The following NCAM1 variants were observed in gnomAD, a reference collection of about 807,000 sequenced individuals.
NCAM1 encodes neural cell adhesion molecule 1.
Under a neutral mutation model 109.8 loss-of-function variants are expected in NCAM1, and 14 were observed. That is an observed-to-expected ratio of 0.13 (90% confidence interval 0.08 to 0.20). The LOEUF (loss-of-function observed/expected upper bound fraction) is 0.20, where lower values mean the gene tolerates loss of function less well. Among genes scored for constraint, NCAM1 ranks in the 10% least tolerant of loss-of-function variants. The pLI is 1.00. For synonymous variants in NCAM1, 418 were observed against 442.9 expected (o/e 0.94, Z 0.70); for missense variants, 774 against 1,109.9 (o/e 0.70, Z 4.30).
chr11:113,104,741 G>T (rs1349555881), intron 1 of NCAM1, among the ~76,000 whole-genome samples: 2 of 152,142 alleles, frequency 1.3e-5, no homozygotes, highest in Non-Finnish European at 2.9e-5. Context: ...AATAAATTGG[G>T]TCTTATGCAG....
At chr11:113,232,098 G>C in intron 10 of NCAM1, 72 bp from the exon 11 acceptor site, 1 of 1,411,114 alleles carries the variant, frequency 7.1e-7, no homozygotes, top group South Asian at 1.4e-5. Flanking sequence ...TGCCTTCCCA[G>C]TGCCAGGAGA....
chr11:113,137,239 G>C (rs782654950), intron 1 of NCAM1, among the ~76,000 whole-genome samples: 11 of 152,042 alleles, frequency 7.2e-5, no homozygotes, highest in African/African-American at 2.7e-4. Context: ...TATAGAAATC[G>C]CTTAAATAAC....
At chr11:113,240,935 CAGTT>C (rs781983754) in intron 14 of NCAM1, 34 of 1,244,670 alleles carry the variant, frequency 2.7e-5, no homozygotes, top group Middle Eastern at 3.8e-4. Context: ...TAATTCAACT[CAGTT>C]GGTGGAAAGC....
intron 16 of NCAM1, among the ~76,000 whole-genome samples, chr11:113,257,499 C>A (rs1014392104): frequency 6.6e-6 from 1 of 152,238 alleles, no homozygotes; most frequent in African/African-American, 2.4e-5. Context: ...TAAATGGTCA[C>A]TATGGTTACT....
At chr11:113,263,092 T>C in intron 17 of NCAM1, 1 of 1,361,542 alleles carries the variant, frequency 7.3e-7, no homozygotes, top group Non-Finnish European at 9.5e-7. Flanking sequence ...CCTCCAGACA[T>C]GTCACCACTC....
chr11:113,201,332 G>T (rs1174595537), intron 1 of NCAM1, among the ~76,000 whole-genome samples: 3 of 152,290 alleles, frequency 2.0e-5, no homozygotes, highest in African/African-American at 7.2e-5. Context: ...AAAGAAAATG[G>T]CTGTTGGAAG....
intron 19 of NCAM1, among the ~76,000 whole-genome samples, chr11:113,272,731 G>A (rs185721070): frequency 3.1e-4 from 47 of 152,180 alleles, no homozygotes; most frequent in East Asian, 1.5e-3. Flanking sequence ...GTTCTCTGTC[G>A]TCTCCTGTGT....
Position 113,232,240 on chromosome 11 carries a change from G to C in NCAM1, c.1311G>C (p.Glu437Asp). 40 of 1,613,912 alleles carry C rather than the reference G, an allele frequency of 2.5e-5. No homozygotes were observed. The highest frequency in any genetic ancestry group is 3.3e-5 in the Non-Finnish European group (39 of 1,179,850). The change falls in exon 11 of 20, where the codon GAG (glutamate) becomes GAC (aspartate). Residue 437 changes from glutamate (E) to aspartate (D), a missense_variant. By Grantham distance (45) the Glu-to-Asp change is conservative. This residue lies in a region of NCAM1 where 523 missense variants were observed against 784.2 expected (regional missense o/e 0.67). Coordinates refer to ENST00000316851, the MANE Select transcript of NCAM1 (RefSeq NM_181351.5). ...GGAACCAGGTGAACATCACCTGCGA[G>C]GTATTTGCCTATCCCAGTGCCACGA... ...WEGNQVNITC[E>D]VFAYPSATIS...
chr11:112,969,709 T>C (rs1555066420), intron 1 of NCAM1, among the ~76,000 whole-genome samples: 1 of 152,220 alleles, frequency 6.6e-6, no homozygotes, highest in African/African-American at 2.4e-5. Flanking sequence ...TCAGATATTT[T>C]ATTTGAAATG....
intron 1 of NCAM1, chr11:113,040,780 T>C (rs1953049632): frequency 6.6e-6 from 1 of 152,200 alleles, no homozygotes; most frequent in African/African-American, 2.4e-5. Flanking sequence ...TGTTGGTTGG[T>C]TTAGAAAATG....
chr11:113,011,449 A>G (rs1952052736), intron 1 of NCAM1, among the ~76,000 whole-genome samples: 1 of 149,362 alleles, frequency 6.7e-6, no homozygotes, highest in African/African-American at 2.4e-5. Flanking sequence ...TTATAGCAGC[A>G]TGATTTATAG....
intron 1 of NCAM1, among the ~76,000 whole-genome samples, chr11:113,098,270 G>A (rs779150031): frequency 3.3e-5 from 5 of 152,182 alleles, no homozygotes; most frequent in Admixed American, 6.5e-5. Flanking sequence ...CTAGGATTAC[G>A]CCCCTTATCA....
intron 1 of NCAM1, among the ~76,000 whole-genome samples, chr11:112,974,950 C>T (rs1442326927): frequency 6.6e-6 from 1 of 151,938 alleles, no homozygotes; most frequent in Non-Finnish European, 1.5e-5. Context: ...TTGCTAAAGT[C>T]CAAAGCGGGC....
chr11:113,228,302 G>A (rs1329995102), intron 9 of NCAM1, among the ~76,000 whole-genome samples: 1 of 152,128 alleles, frequency 6.6e-6, no homozygotes. Flanking sequence ...GACAAACAGA[G>A]AGCCAAATCA....
intron 1 of NCAM1, among the ~76,000 whole-genome samples, chr11:113,083,826 A>G (rs1938956462): frequency 6.6e-6 from 1 of 152,132 alleles, no homozygotes; most frequent in South Asian, 2.1e-4. Flanking sequence ...GCAGCAATGA[A>G]TTTCCCATGA....
At chr11:113,107,444 G>T (rs189573792) in intron 1 of NCAM1, among the ~76,000 whole-genome samples, 1 of 152,152 alleles carries the variant, frequency 6.6e-6, no homozygotes, top group East Asian at 1.9e-4. Context: ...TATGCCCCTC[G>T]TATTATCCCT....
At chr11:113,243,072 C>T in intron 14 of NCAM1, 1 of 801,682 alleles carries the variant, frequency 1.2e-6, no homozygotes, top group South Asian at 5.7e-5. Flanking sequence ...GAAGAATACT[C>T]CGTGCATGAG....
intron 1 of NCAM1, among the ~76,000 whole-genome samples, chr11:112,982,718 CGCATG>C (rs1187189841): frequency 6.6e-6 from 1 of 151,620 alleles, no homozygotes; most frequent in Non-Finnish European, 1.5e-5. Flanking sequence ...TCAGGTGAGG[CGCATG>C]GTAAGAGTAA....
rs184726085 is a variant in NCAM1 at position 113,219,656 on chromosome 11, C to T, written c.1060-1640C>T. ...AAGTAGAAGGTTATGTTACTGGAAGCTTTGTGTTACTAGCAACTACTTATT... is the reference window on the plus strand; with the variant it reads ...AAGTAGAAGGTTATGTTACTGGAAGTTTTGTGTTACTAGCAACTACTTATT... On this transcript the variant is annotated intron_variant, in intron 8 of 19. Coordinates refer to ENST00000316851, the MANE Select transcript of NCAM1 (RefSeq NM_181351.5). 1.5e-4 allele frequency among the ~76,000 whole-genome samples: 23 copies of T among 152,308 alleles called. No homozygotes were observed. The East Asian group carries it at 4.4e-3, about 29-fold the overall frequency.
Sources: gnomAD v4.1 joint callset for allele counts (sites outside exome capture counted in the v4.1 genomes callset) on GRCh38, gnomAD v4.1.1 for gene constraint, gnomAD v4.1.1 regional missense constraint, MANE v1.5 for transcripts, NCBI Gene and HGNC (gene_info 2026-07-23, HGNC 2026-07-21) for gene names.